The following CFAP45 variants were observed in gnomAD, a reference collection of about 807,000 sequenced individuals.
CFAP45 encodes the protein cilia and flagella associated protein 45, also known as cilia- and flagella-associated protein 45.
CFAP45 carries 43 observed loss-of-function variants against 75.6 expected under a neutral mutation model. That is an observed-to-expected ratio of 0.57 (90% CI 0.45 to 0.73). The LOEUF is 0.73. Ranked by LOEUF, CFAP45 falls within the 30% of genes least tolerant of loss-of-function variation. The pLI, the probability that CFAP45 is intolerant of heterozygous loss-of-function variation, is 0.00. For missense variants in CFAP45, 689 were observed against 701.5 expected (o/e 0.98, Z 0.20); for synonymous variants, 223 against 244.6 (o/e 0.91, Z 0.82).
At chr1:159,890,686 C>A in intron 2 of CFAP45, 64 bp from the exon 3 acceptor site, 1 of 1,515,178 alleles carries the variant, frequency 6.6e-7, no homozygotes, top group Non-Finnish European at 9.1e-7. Context: ...TCAGTCCTAA[C>A]TTCAAGGATA....
intron 6 of CFAP45, among the ~76,000 whole-genome samples, chr1:159,885,308 G>A (rs967953608): frequency 5.9e-5 from 9 of 152,198 alleles, no homozygotes; most frequent in African/African-American, 2.2e-4. Flanking sequence ...AAGATGGACA[G>A]CCACTTAGCC....
intron 10 of CFAP45, among the ~76,000 whole-genome samples, chr1:159,873,996 A>G (rs1297877884): frequency 6.6e-6 from 1 of 151,992 alleles, no homozygotes; most frequent in Non-Finnish European, 1.5e-5. Context: ...GATATCGCTC[A>G]GTTCTCTTCC....
Position 159,884,402 on chromosome 1 carries a change from G to A in CFAP45, c.897+34C>T, listed in dbSNP as rs777934453. ...CTTGAAGGGTTTTGATGCTGCAGCT[G>A]GTGAAACGTGGCATTGTCTGTCTGG... On this transcript the variant is annotated intron_variant, in intron 7 of 11. Coordinates refer to ENST00000368099, the MANE Select transcript of CFAP45 (RefSeq NM_012337.3). 3.2e-6 allele frequency: 5 copies of A among 1,576,382 alleles called. No individual in the cohort carries two copies. The Admixed American group carries it at 5.3e-5, about 17-fold the overall frequency.
At chr1:159,896,173 C>T (rs148195844) in intron 1 of CFAP45, among the ~76,000 whole-genome samples, 4 of 152,292 alleles carry the variant, frequency 2.6e-5, no homozygotes, top group African/African-American at 9.6e-5. Context: ...ACAGGTTTTC[C>T]CTTGTGCTGA....
intron 8 of CFAP45, 144 bp from the exon 9 acceptor site, chr1:159,877,606 GT>G: frequency 1.5e-6 from 1 of 676,664 alleles, no homozygotes; most frequent in Non-Finnish European, 2.7e-6. Flanking sequence ...GCCAGGTGCC[GT>G]GGCTCATGCC....
intron 1 of CFAP45, among the ~76,000 whole-genome samples, chr1:159,894,174 C>G (rs933664457): frequency 6.6e-6 from 1 of 152,028 alleles, no homozygotes; most frequent in Non-Finnish European, 1.5e-5. Context: ...TTTCTGTAGT[C>G]CCTGAAGCTG....
intron 1 of CFAP45, among the ~76,000 whole-genome samples, chr1:159,898,632 A>C (rs1187049636): frequency 6.6e-6 from 1 of 152,208 alleles, no homozygotes; most frequent in Admixed American, 6.5e-5. Context: ...TCTGAAGCCC[A>C]CAGGTCTTGC....
rs567859733 is a variant in CFAP45, at chr1:159,886,378, T to C, written c.767+133A>G. 3.7e-4 allele frequency: 305 copies of C among 820,344 alleles called. 1 individual carries two copies. The highest frequency in any genetic ancestry group is 3.3e-3 in the Admixed American group (137 of 42,116). 50.8% of individuals were successfully genotyped at this position (820,344 alleles called of 1,614,324 possible). ...AAGTTCTGTGATTCTATGTATCACT[T>C]CGTAAAGTTTTGAGATAATAAGTAG... On this transcript the variant is annotated intron_variant, in intron 6 of 11. Transcript: ENST00000368099.
At chr1:159,895,259 G>A (rs765392254) in intron 1 of CFAP45, among the ~76,000 whole-genome samples, 1 of 152,164 alleles carries the variant, frequency 6.6e-6, no homozygotes, top group Non-Finnish European at 1.5e-5. Context: ...CTTTGGAGGA[G>A]CCCACATGCC....
chr1:159,892,622 T>A (rs984044113), intron 2 of CFAP45, among the ~76,000 whole-genome samples: 54 of 152,374 alleles, frequency 3.5e-4, no homozygotes, highest in African/African-American at 1.3e-3. Flanking sequence ...AAACTCCATA[T>A]GTACCAAAAT....
At chr1:159,873,424 C>A (rs1190431209) in intron 10 of CFAP45, 2 of 545,522 alleles carry the variant, frequency 3.7e-6, no homozygotes, top group Non-Finnish European at 6.6e-6. Context: ...TAGAAGGGCC[C>A]CCAGCTTGGT....
At position 159,880,709 on chromosome 1, in the gene CFAP45, A is replaced by G. The variant is rs1205357993; in HGVS notation, c.898-9T>C. ...TGCCTTCGTTCCATGTCCTGCCAGC[A>G]AAAGAAAGAGAGCCTCAGAGTACAA... On this transcript the variant is annotated splice_polypyrimidine_tract_variant and intron_variant, in intron 7 of 11. Transcript: ENST00000368099. The G allele has an allele frequency of 6.2e-7, 1 of 1,613,676 alleles. No individual in the cohort carries two copies. The highest frequency in any genetic ancestry group is 8.5e-7 in the Non-Finnish European group (1 of 1,179,786).
At position 159,880,589 on chromosome 1, in the gene CFAP45, C is replaced by T; in HGVS notation, c.1009G>A (p.Asp337Asn). The change falls in exon 8 of 12, where the codon GAC (aspartate) becomes AAC (asparagine). Residue 337 changes from aspartate (D) to asparagine (N), a missense_variant. Physicochemically the swap from Asp to Asn is conservative, Grantham distance 23. Coordinates refer to ENST00000368099, the MANE Select transcript of CFAP45 (RefSeq NM_012337.3). ...AELLAQEKLA[D>N]QMVMEFTKKK... Reference sequence around the variant, plus strand: ...TTGGTAAACTCCATCACCATCTGGTCTGCCAGCTTCTCCTGAGCCAGCAGT... The same window carrying T: ...TTGGTAAACTCCATCACCATCTGGTTTGCCAGCTTCTCCTGAGCCAGCAGT... The T allele has an allele frequency of 6.2e-7, 1 of 1,613,798 alleles. No homozygotes were observed. Among genetic ancestry groups the T allele is most frequent in the Non-Finnish European group, 8.5e-7 (1 of 1,179,830 alleles).
chr1:159,873,733 C>G (rs573456437), intron 10 of CFAP45, among the ~76,000 whole-genome samples: 1 of 152,138 alleles, frequency 6.6e-6, no homozygotes, highest in Non-Finnish European at 1.5e-5. Flanking sequence ...TGCAACCAGT[C>G]TTACACCCAG....
In CFAP45 at chr1:159,884,336, T is replaced by C. The variant is rs1330159819; in HGVS notation, c.897+100A>G. The C allele has an allele frequency of 4.8e-6, 6 of 1,259,970 alleles. No homozygotes were observed. The Admixed American group carries it at 1.5e-4, about 32-fold the overall frequency. The allele number at this position is 1,259,970 out of a possible 1,614,324, so 78.0% of individuals were successfully genotyped here. A position where few individuals can be genotyped will look rare whatever the true frequency, so the allele number is the denominator to read the frequency against. On this transcript the variant is annotated intron_variant, in intron 7 of 11. Coordinates refer to ENST00000368099, the MANE Select transcript of CFAP45 (RefSeq NM_012337.3). The stretch of plus-strand genomic sequence containing the variant: ...GTGATGATGTTGTGAAATGAGCATG[T>C]GCCTGGCAGAAAATCAGTCAACACC...
At chr1:159,896,691 G>T (rs1649959073) in intron 1 of CFAP45, among the ~76,000 whole-genome samples, 2 of 152,262 alleles carry the variant, frequency 1.3e-5, no homozygotes, top group South Asian at 4.1e-4. Flanking sequence ...TGAAGGGAAG[G>T]CAGCTGAGAA....
rs1423367384 is a variant in CFAP45, at chr1:159,876,768, G to A, written c.1159-19C>T. The A allele has an allele frequency of 1.2e-6, 2 of 1,613,826 alleles. No homozygotes were observed. Among genetic ancestry groups the A allele is most frequent in the Admixed American group, 1.7e-5 (1 of 59,996 alleles). On this transcript the variant is annotated intron_variant, in intron 9 of 11. Transcript: ENST00000368099. ...AGGCATCCTGGGAATGTTGGCAGGG[G>A]ACCAGTGAGGGCACAAAATAGCTGG...
At chr1:159,894,264 A>G (rs540393358) in intron 1 of CFAP45, among the ~76,000 whole-genome samples, 1 of 152,350 alleles carries the variant, frequency 6.6e-6, no homozygotes, top group Non-Finnish European at 1.5e-5. Flanking sequence ...ACAGTTTCTC[A>G]TTATCTGCCT....
intron 1 of CFAP45, among the ~76,000 whole-genome samples, chr1:159,895,374 A>G (rs373033731): frequency 6.6e-6 from 1 of 152,168 alleles, no homozygotes; most frequent in South Asian, 2.1e-4. Context: ...TAGACAGGGA[A>G]ATATACCATG....
Sources: gnomAD v4.1 joint callset for allele counts (sites outside exome capture counted in the v4.1 genomes callset) on GRCh38, gnomAD v4.1.1 for gene constraint, MANE v1.5 for transcripts, NCBI Gene and HGNC (gene_info 2026-07-23, HGNC 2026-07-21) for gene names.